The following ZNF185 variants were observed in gnomAD, a reference collection of about 807,000 sequenced individuals.
ZNF185 encodes the protein zinc finger protein 185 with LIM domain, also known as zinc finger protein 185.
Under a neutral mutation model 58.6 loss-of-function variants are expected in ZNF185, and 56 were observed. The ratio of observed to expected loss-of-function variants is 0.95; its 90% CI spans 0.77 to 1.19. The LOEUF (loss-of-function observed/expected upper bound fraction) is 1.19. Ranked by LOEUF, ZNF185 falls within the 50% of genes most tolerant of loss-of-function variation. The pLI, the probability that ZNF185 is intolerant of heterozygous loss-of-function variation, is 0.00. For synonymous variants in ZNF185, 230 were observed against 215.9 expected, an observed-to-expected ratio of 1.07 and a Z score of -0.57; for missense variants, 627 against 573.5, an observed-to-expected ratio of 1.09 and a Z score of -0.95.
rs782672390 is a variant in ZNF185, at chrX:152,915,175, T to A, written c.196T>A (p.Ser66Thr). ...AGGCCGGAGTCGCGCCACATCCTTT[T>A]CATCAGCTGGGGAGGTTCCGAAGCC... The change falls in exon 3 of 23, where the codon TCA (serine) becomes ACA (threonine). Residue 66 changes from serine (S) to threonine (T), a missense_variant. Ser to Thr is a moderately conservative substitution (Grantham distance 58). Transcript: ENST00000449285. 2.5e-6 allele frequency: 3 copies of A among 1,208,773 alleles called. No homozygotes were observed. The Admixed American group carries it at 6.6e-5, about 26-fold the overall frequency.
the ZNF185 span, among the ~76,000 whole-genome samples, chrX:152,898,768 G>C: frequency 8.9e-6 from 1 of 112,639 alleles, no homozygotes; most frequent in Non-Finnish European, 1.9e-5. Context: ...TCAGACAGAA[G>C]GCGCCGAATC....
chrX:152,933,811 G>A (rs1214054255), intron 14 of ZNF185, among the ~76,000 whole-genome samples: 4 of 112,224 alleles, frequency 3.6e-5, no homozygotes, highest in Admixed American at 9.4e-5. Context: ...TGTGGGGAAG[G>A]CCCTGCTGAT....
intron 18 of ZNF185, 100 bp downstream of exon 20, chrX:152,964,049 G>A (rs181574590): frequency 2.5e-6 from 2 of 793,701 alleles, no homozygotes; most frequent in African/African-American, 2.0e-5. Context: ...CCCATTTAGT[G>A]CCTTCCCCAG....
chrX:152,961,131 C>T (rs2049422166), intron 17 of ZNF185, among the ~76,000 whole-genome samples: 1 of 112,243 alleles, frequency 8.9e-6, no homozygotes, highest in African/African-American at 3.2e-5. Flanking sequence ...CTCTGTCTCC[C>T]AGTTCCAGGT....
upstream of ZNF185, among the ~76,000 whole-genome samples, chrX:152,910,411 A>G (rs1157910058): frequency 8.9e-6 from 1 of 112,323 alleles, no homozygotes; most frequent in Non-Finnish European, 1.9e-5. Flanking sequence ...ATGTAAATAT[A>G]TTTTGACTTA....
the ZNF185 span, among the ~76,000 whole-genome samples, chrX:152,908,003 A>T: frequency 6.2e-5 from 7 of 112,811 alleles, no homozygotes; most frequent in Non-Finnish European, 1.1e-4. Flanking sequence ...ATGGCATGAG[A>T]GATCCAGAGA....
At chrX:152,932,828 T>C in intron 13 of ZNF185, 45 bp from the exon 15 acceptor site, 1 of 1,028,075 alleles carries the variant, frequency 9.7e-7, no homozygotes, top group Non-Finnish European at 1.3e-6. Context: ...TTAGATGAGA[T>C]CAAAACGCAA....
intron 16 of ZNF185, among the ~76,000 whole-genome samples, chrX:152,957,445 C>T (rs2048962654): frequency 8.9e-6 from 1 of 111,951 alleles, no homozygotes; most frequent in African/African-American, 3.3e-5. Context: ...ACCTTAACTA[C>T]TGAGCCCAGA....
chrX:152,912,038 T>C (rs1156460794), upstream of ZNF185, among the ~76,000 whole-genome samples: 1 of 74,131 alleles, frequency 1.3e-5, no homozygotes, highest in African/African-American at 5.4e-5. Flanking sequence ...CCCATCCCAC[T>C]GCCTGACACT....
chrX:152,959,045 C>T (rs2049169322), intron 16 of ZNF185, among the ~76,000 whole-genome samples: 2 of 112,822 alleles, frequency 1.8e-5, no homozygotes, highest in African/African-American at 6.4e-5. Flanking sequence ...GCTTTTTCTG[C>T]AGCAGTCCCG....
chrX:152,917,663 G>T (rs964429410), intron 5 of ZNF185, among the ~76,000 whole-genome samples: 15 of 112,465 alleles, frequency 1.3e-4, no homozygotes, highest in African/African-American at 4.9e-4. Context: ...AGGTGCAGGA[G>T]TTTGGGAGGG....
At chrX:152,972,626 G>T (rs1475396004) in exon 23 of ZNF185, 1 of 111,874 alleles carries the variant, frequency 8.9e-6, no homozygotes, top group East Asian at 2.8e-4. Flanking sequence ...GATCTGAGCA[G>T]AGAGCTTTCA....
intron 15 of ZNF185, among the ~76,000 whole-genome samples, chrX:152,939,338 T>C (rs1359340883): frequency 1.8e-5 from 2 of 111,882 alleles, no homozygotes; most frequent in African/African-American, 6.5e-5. Context: ...TACTGTGCTG[T>C]GCTAGGTGCC....
At chrX:152,931,860 G>A in intron 13 of ZNF185, 84 bp downstream of exon 14, 1 of 845,343 alleles carries the variant, frequency 1.2e-6, no homozygotes, top group Non-Finnish European at 1.7e-6. Context: ...ATGGCCTCCG[G>A]TGCAATGTCA....
intron 15 of ZNF185, among the ~76,000 whole-genome samples, chrX:152,939,323 A>G (rs1008407032): frequency 8.9e-6 from 1 of 111,807 alleles, no homozygotes; most frequent in Non-Finnish European, 1.9e-5. Context: ...AACAGCTGAC[A>G]CCAATACTGT....
chrX:152,919,717 G>C (rs1162787681), intron 7 of ZNF185, among the ~76,000 whole-genome samples: 1 of 112,425 alleles, frequency 8.9e-6, no homozygotes, highest in Non-Finnish European at 1.9e-5. Flanking sequence ...TTGGCTTGGG[G>C]CCTGTACAGC....
chrX:152,961,008 C>T (rs1475704809), intron 17 of ZNF185, among the ~76,000 whole-genome samples: 3 of 112,151 alleles, frequency 2.7e-5, no homozygotes, highest in Non-Finnish European at 5.6e-5. Context: ...GCTTCCAGTT[C>T]GAGGCAGGAC....
intron 16 of ZNF185, among the ~76,000 whole-genome samples, chrX:152,951,421 A>AT (rs1261051236): frequency 4.5e-5 from 5 of 112,228 alleles, no homozygotes; most frequent in Non-Finnish European, 9.4e-5. Flanking sequence ...TTTTAAAGAT[A>AT]TTTGTTTACA....
chrX:152,921,379 A>G (rs1461915662), intron 9 of ZNF185, among the ~76,000 whole-genome samples: 1 of 111,190 alleles, frequency 9.0e-6, no homozygotes, highest in East Asian at 2.8e-4. Context: ...TGCAAACCCA[A>G]GAGAAGACAG....
Sources: gnomAD v4.1 joint callset for allele counts (sites outside exome capture counted in the v4.1 genomes callset) on GRCh38, gnomAD v4.1.1 for gene constraint, MANE v1.5 for transcripts, NCBI Gene and HGNC (gene_info 2026-07-23, HGNC 2026-07-21) for gene names.